The following TRAF3IP1 variants were observed in gnomAD, a reference collection of about 807,000 sequenced individuals.
The protein encoded by TRAF3IP1 is intraflagellar transport 54.
A neutral mutation model predicts 89.9 loss-of-function variants in TRAF3IP1; 53 were observed. That is an observed-to-expected ratio of 0.59 (90% confidence interval 0.47 to 0.74). The LOEUF (loss-of-function observed/expected upper bound fraction) is 0.74, where lower values mean the gene tolerates loss of function less well. Ranked by LOEUF, TRAF3IP1 falls within the 30% of genes least tolerant of loss-of-function variation. The pLI is 0.00. For missense variants in TRAF3IP1, 806 were observed against 866.1 expected, an observed-to-expected ratio of 0.93 and a Z score of 0.87; for synonymous variants, 311 against 322.1, an observed-to-expected ratio of 0.97 and a Z score of 0.37.
chr2:238,331,392 G>A lies in TRAF3IP1; in HGVS notation c.916-1432G>A, dbSNP rs542729353. Among the ~76,000 whole-genome samples the A allele has an allele frequency of 7.0e-4, 107 of 151,962 alleles. 1 individual carries two copies. Among genetic ancestry groups the A allele is most frequent in the Middle Eastern group, 3.2e-3 (1 of 316 alleles). On this transcript the variant is annotated intron_variant, in intron 5 of 16. Coordinates refer to ENST00000373327, the MANE Select transcript of TRAF3IP1 (RefSeq NM_015650.4). Reference sequence around the variant, plus strand: ...CTCAGGAGGCTGAGGCAGGAGAATCGTTTGAACTCGGGAGGCGGAGGTTGC... The same window carrying A: ...CTCAGGAGGCTGAGGCAGGAGAATCATTTGAACTCGGGAGGCGGAGGTTGC...
chr2:238,337,695 G>A (rs954560185), intron 7 of TRAF3IP1, among the ~76,000 whole-genome samples: 1 of 152,170 alleles, frequency 6.6e-6, no homozygotes, highest in Non-Finnish European at 1.5e-5. Flanking sequence ...TTGTTTGAAC[G>A]GAAAGGAATC....
At position 238,329,234 on chromosome 2, in the gene TRAF3IP1, C is replaced by G; in HGVS notation, c.807C>G (p.Arg269=). The G allele has an allele frequency of 3.2e-6, 5 of 1,546,096 alleles. No homozygotes were observed. The highest frequency in any genetic ancestry group is 1.3e-5 in the South Asian group (1 of 77,666). Residue 269 remains arginine, a synonymous_variant, in exon 5 of 17, where the codon CGC becomes CGG. Transcript: ENST00000373327. ...KERLRDRDRE[R]DRDKGKDRDR... ...GACTGAGAGACAGGGACCGAGAGCG[C>G]GACCGGGACAAAGGGAAGGACAGGG...
intron 15 of TRAF3IP1, among the ~76,000 whole-genome samples, chr2:238,377,164 C>A (rs1700350212): frequency 6.6e-6 from 1 of 151,968 alleles, no homozygotes; most frequent in Admixed American, 6.6e-5. Context: ...TGTGGCTAGG[C>A]CCTCTGCTAG....
intron 1 of TRAF3IP1, among the ~76,000 whole-genome samples, chr2:238,323,687 G>A (rs1697672720): frequency 6.6e-6 from 1 of 152,170 alleles, no homozygotes; most frequent in Admixed American, 6.5e-5. Context: ...TAGGATATGT[G>A]GCTATGAGCA....
intron 12 of TRAF3IP1, 59 bp downstream of exon 12, chr2:238,349,467 T>G (rs889467954): frequency 7.8e-6 from 12 of 1,533,818 alleles, no homozygotes; most frequent in Non-Finnish European, 9.0e-6. Context: ...GTGGGCATGG[T>G]GCCTCCGCTA....
chr2:238,359,741 A>C (rs1338131038), intron 15 of TRAF3IP1, among the ~76,000 whole-genome samples: 1 of 152,222 alleles, frequency 6.6e-6, no homozygotes, highest in Non-Finnish European at 1.5e-5. Flanking sequence ...TGAATACAGT[A>C]GAACCCCTCT....
rs756379060 is a variant in TRAF3IP1 at position 238,325,896 on chromosome 2, C to T, written c.280C>T (p.Arg94Ter). ...AGAGCCACTGTTGGCCAAACCAGCC[C>T]GAATCGTGGCGGGGCATGAGCCTGA... ...SGEPLLAKPA[R>*]IVAGHEPERT... Residue 94 changes from arginine to a stop codon, truncating the protein, a stop_gained, in exon 3 of 17, where the codon CGA (arginine) becomes TGA (stop). Transcript: ENST00000373327. LOFTEE classifies it high-confidence loss of function. 10 of 1,614,146 alleles carry T rather than the reference C, an allele frequency of 6.2e-6. No homozygotes were observed. The highest frequency in any genetic ancestry group is 1.7e-5 in the Admixed American group (1 of 60,018).
intron 3 of TRAF3IP1, among the ~76,000 whole-genome samples, chr2:238,326,698 A>G (rs1189314669): frequency 6.6e-6 from 1 of 152,048 alleles, no homozygotes; most frequent in Non-Finnish European, 1.5e-5. Context: ...TGAGAGTGTA[A>G]TTAATACAGT....
chr2:238,329,707 T>A lies in TRAF3IP1; in HGVS notation c.915+365T>A, dbSNP rs539410848. Among the ~76,000 whole-genome samples, 15 of 152,322 alleles carry A rather than the reference T, an allele frequency of 9.8e-5. No individual in the cohort carries two copies. In the South Asian group the frequency reaches 2.5e-3, roughly 25 times the overall value. Reference sequence around the variant, plus strand: ...CTCATGTTCACTGTTGGATGCCCAGTCTGATAGAGTGTCTGACACATAGCA... The same window carrying A: ...CTCATGTTCACTGTTGGATGCCCAGACTGATAGAGTGTCTGACACATAGCA... On this transcript the variant is annotated intron_variant, in intron 5 of 16. Coordinates refer to ENST00000373327, the MANE Select transcript of TRAF3IP1 (RefSeq NM_015650.4).
intron 15 of TRAF3IP1, among the ~76,000 whole-genome samples, chr2:238,389,747 CAAA>C (rs1284135277): frequency 1.8e-5 from 2 of 111,410 alleles, no homozygotes; most frequent in Non-Finnish European, 3.6e-5. Flanking sequence ...GACTCCATCT[CAAA>C]TAATAATAAT....
intron 8 of TRAF3IP1, among the ~76,000 whole-genome samples, chr2:238,343,430 G>A (rs1698748638): frequency 6.6e-6 from 1 of 151,900 alleles, no homozygotes; most frequent in Non-Finnish European, 1.5e-5. Flanking sequence ...CATGCAGGCT[G>A]GAGAGTGGTG....
At chr2:238,375,001 C>T (rs1311437647) in intron 15 of TRAF3IP1, among the ~76,000 whole-genome samples, 1 of 152,036 alleles carries the variant, frequency 6.6e-6, no homozygotes, top group Non-Finnish European at 1.5e-5. Flanking sequence ...TTTATTGCAT[C>T]TATTTGATTC....
Position 238,367,982 on chromosome 2 carries a change from A to T in TRAF3IP1, c.1689+11902A>T, listed in dbSNP as rs368044304. Among the ~76,000 whole-genome samples the T allele has an allele frequency of 2.9e-3, 442 of 151,792 alleles. 2 individuals carry two copies. The highest frequency in any genetic ancestry group is 0.01 in the African/African-American group (419 of 41,468). On this transcript the variant is annotated intron_variant, in intron 15 of 16. Coordinates refer to ENST00000373327, the MANE Select transcript of TRAF3IP1 (RefSeq NM_015650.4). ...CATATTTCTTCAGCTTCCCTTTGAA[A>T]AAAAAAAGGGAAATTTGTGTTTTTA...
At chr2:238,381,929 A>G (rs1431417874) in intron 15 of TRAF3IP1, among the ~76,000 whole-genome samples, 1 of 152,166 alleles carries the variant, frequency 6.6e-6, no homozygotes, top group Non-Finnish European at 1.5e-5. Flanking sequence ...GAAGCCACAG[A>G]TGGGGAAGAG....
In TRAF3IP1 at chr2:238,351,876, CGCGTGTGCGTGCAT is replaced by C. The variant is rs1559371517; in HGVS notation, c.1452-949_1452-936del. On this transcript the variant is annotated intron_variant, in intron 12 of 16. Transcript: ENST00000373327. This position sits in a 1 kb window ranked among gnomAD's most constrained non-coding sequence, Gnocchi z 5.2. ...GTGTGTGTGTGTGTGTGCGCGCGCG[CGCGTGTGCGTGCAT>C]GTGCTTGTGTGTATGCGTGTGTGTG... Among the ~76,000 whole-genome samples the C allele has an allele frequency of 6.8e-6, 1 of 147,498 alleles. No individual in the cohort carries two copies. The highest frequency in any genetic ancestry group is 2.0e-4 in the East Asian group (1 of 5,118).
chr2:238,351,906 C>CGTGT lies in TRAF3IP1; in HGVS notation c.1452-902_1452-899dup, dbSNP rs150407213. Reference sequence around the variant, plus strand: ...GTGCGTGCATGTGCTTGTGTGTATGCGTGTGTGTGTGTGTGTGTGTGTATG... The same window carrying CGTGT: ...GTGCGTGCATGTGCTTGTGTGTATGCGTGTGTGTGTGTGTGTGTGTGTGTGTATG... On this transcript the variant is annotated intron_variant, in intron 12 of 16. Transcript: ENST00000373327. The surrounding 1 kb of genome is among the most constrained non-coding windows in gnomAD (Gnocchi z 5.2). 6.2e-3 allele frequency among the ~76,000 whole-genome samples: 901 copies of CGTGT among 144,192 alleles called. 7 individuals are homozygous for CGTGT. The highest frequency in any genetic ancestry group is 0.021 in the African/African-American group (809 of 39,042). The allele number at this position is 144,192 out of a possible 152,430, so 94.6% of individuals were successfully genotyped here.
chr2:238,354,085 TTTTAACATAGTGGATGTGTTTCATTTCAG>T (rs1189623327), intron 14 of TRAF3IP1, among the ~76,000 whole-genome samples: 5 of 152,230 alleles, frequency 3.3e-5, no homozygotes, highest in Admixed American at 6.5e-5. Context: ...AGTCACGGAT[TTTTAACATAGTGGATGTGTTTCATTTCAG>T]CCCATCTCAG....
At position 238,337,162 on chromosome 2, in the gene TRAF3IP1, A is replaced by G. The variant is rs112797238; in HGVS notation, c.1064-1200A>G. On this transcript the variant is annotated intron_variant, in intron 7 of 16. Coordinates refer to ENST00000373327, the MANE Select transcript of TRAF3IP1 (RefSeq NM_015650.4). ...GCCTTCCTTCACTGATTCTGCAGAC[A>G]TTTATGATAATAAAGAGAACACAGG... Among the ~76,000 whole-genome samples the G allele has an allele frequency of 6.1e-4, 93 of 152,256 alleles. 2 individuals are homozygous for G. Among genetic ancestry groups the G allele is most frequent in the African/African-American group, 2.1e-3 (89 of 41,562 alleles).
At chr2:238,340,445 A>G (rs896926412) in intron 8 of TRAF3IP1, among the ~76,000 whole-genome samples, 4 of 152,154 alleles carry the variant, frequency 2.6e-5, no homozygotes, top group East Asian at 1.9e-4. Context: ...CTGGGTCATC[A>G]TCAGAGAATT....
Sources: gnomAD v4.1 joint callset for allele counts (sites outside exome capture counted in the v4.1 genomes callset) on GRCh38, gnomAD v4.1.1 for gene constraint, Gnocchi (gnomAD v3.1) non-coding constraint, MANE v1.5 for transcripts, NCBI Gene and HGNC (gene_info 2026-07-23, HGNC 2026-07-21) for gene names.